The following CFAP54 variants were observed in gnomAD, a reference collection of about 807,000 sequenced individuals.
The protein encoded by CFAP54 is cilia and flagella associated protein 54, also known as cilia- and flagella-associated protein 54.
A neutral mutation model predicts 370.4 loss-of-function variants in CFAP54; 290 were observed. The ratio of observed to expected loss-of-function variants is 0.78; its 90% confidence interval spans 0.71 to 0.86. The LOEUF is 0.86. Ranked by LOEUF, CFAP54 falls within the 40% of genes least tolerant of loss-of-function variation. CFAP54 has a pLI of 0.00. For missense variants in CFAP54, 3,399 were observed against 3,528.7 expected (o/e 0.96, Z 0.93); for synonymous variants, 1,206 against 1,236.5 (o/e 0.98, Z 0.52).
intron 66 of CFAP54, 125 bp from the exon 67 acceptor site, chr12:96,860,694 C>T (rs1959857913): frequency 1.1e-6 from 1 of 949,984 alleles, no homozygotes; most frequent in Non-Finnish European, 1.5e-6. Context: ...TTGTGCCTTA[C>T]CTGAGACACA....
At chr12:96,714,269 A>G (rs1030771998) in intron 48 of CFAP54, among the ~76,000 whole-genome samples, 3 of 152,236 alleles carry the variant, frequency 2.0e-5, no homozygotes, top group Non-Finnish European at 2.9e-5. Context: ...AAGGAAGATC[A>G]GAAGTTCACT....
At chr12:96,686,318 A>G (rs1957329132) in intron 42 of CFAP54, among the ~76,000 whole-genome samples, 1 of 152,128 alleles carries the variant, frequency 6.6e-6, no homozygotes, top group Admixed American at 6.5e-5. Context: ...TCACTTAGTT[A>G]CTTACCTCTT....
At chr12:96,554,639 C>A in intron 16 of CFAP54, 37 bp from the exon 17 acceptor site, 2 of 1,493,266 alleles carry the variant, frequency 1.3e-6, no homozygotes, top group East Asian at 2.5e-5. Context: ...GTTTTGATAA[C>A]TATATTTCTT....
intron 50 of CFAP54, among the ~76,000 whole-genome samples, chr12:96,726,345 A>G (rs542078279): frequency 1.1e-4 from 16 of 152,218 alleles, no homozygotes; most frequent in African/African-American, 3.9e-4. Flanking sequence ...TTATTGCCAC[A>G]ATTTCAGATC....
chr12:96,521,533 TGTGTGTGTGTGTGTGC>T (rs1191715008), intron 6 of CFAP54, among the ~76,000 whole-genome samples: 47 of 127,510 alleles, frequency 3.7e-4, no homozygotes, highest in African/African-American at 1.3e-3. Context: ...TGTGTGTGTG[TGTGTGTGTGTGTGTGC>T]GCGTGCGCAC....
chr12:96,712,077 T>C (rs1957622228), intron 48 of CFAP54, among the ~76,000 whole-genome samples: 1 of 152,194 alleles, frequency 6.6e-6, no homozygotes. Context: ...CTTTTATGAT[T>C]TGATAGCTTT....
chr12:96,563,266 T>C (rs756986831), intron 17 of CFAP54, among the ~76,000 whole-genome samples: 4 of 152,314 alleles, frequency 2.6e-5, no homozygotes, highest in Non-Finnish European at 2.9e-5. Flanking sequence ...CCTTGCAATA[T>C]CTCTGGGTTT....
intron 66 of CFAP54, among the ~76,000 whole-genome samples, chr12:96,839,629 T>C (rs1000583603): frequency 1.3e-5 from 2 of 152,232 alleles, no homozygotes; most frequent in Non-Finnish European, 2.9e-5. Flanking sequence ...GGTCAAAGAT[T>C]CTGTGGGTTA....
intron 28 of CFAP54, among the ~76,000 whole-genome samples, chr12:96,624,163 G>C (rs747886322): frequency 6.0e-4 from 92 of 152,120 alleles, no homozygotes; most frequent in Admixed American, 1.4e-3. Flanking sequence ...TCTCAACCTC[G>C]ACACTATCAG....
chr12:96,547,435 C>T (rs1008727872), intron 14 of CFAP54, among the ~76,000 whole-genome samples: 2 of 152,110 alleles, frequency 1.3e-5, no homozygotes, highest in African/African-American at 4.8e-5. Flanking sequence ...ATCTACTTGC[C>T]TCGGCATCCC....
At chr12:96,859,665 A>G (rs572350776) in intron 66 of CFAP54, among the ~76,000 whole-genome samples, 1 of 152,286 alleles carries the variant, frequency 6.6e-6, no homozygotes, top group Non-Finnish European at 1.5e-5. Flanking sequence ...TTGGCCTCCC[A>G]AAGTGTTGGG....
chr12:96,771,227 T>C (rs1565972662), intron 60 of CFAP54, among the ~76,000 whole-genome samples: 1 of 152,064 alleles, frequency 6.6e-6, no homozygotes, highest in East Asian at 1.9e-4. Flanking sequence ...GCCCTGCAGG[T>C]AGGGAAAGTC....
chr12:96,500,663 T>G (rs1318634581), intron 1 of CFAP54, among the ~76,000 whole-genome samples, 171 bp from the exon 2 acceptor site: 1 of 152,204 alleles, frequency 6.6e-6, no homozygotes, highest in African/African-American at 2.4e-5. Context: ...GCTTGGTACA[T>G]AGGAAGCAAT....
rs1958260563 is a variant in CFAP54 at position 96,756,573 on chromosome 12, T to TATTC, written c.7946+11_7946+14dup. ...ATGATCAAAACTCAGGGTAAAAAGA[T>TATTC]ATTCCATTGTTGTAGCTGTGTGTGT... On this transcript the variant is annotated intron_variant, in intron 57 of 67. Transcript: ENST00000524981. 6.5e-7 allele frequency: 1 copy of TATTC among 1,537,856 alleles called. No homozygotes were observed. The highest frequency in any genetic ancestry group is 1.4e-5 in the African/African-American group (1 of 73,060).
At chr12:96,615,889 A>T (rs1027892085) in intron 26 of CFAP54, among the ~76,000 whole-genome samples, 10 of 152,254 alleles carry the variant, frequency 6.6e-5, no homozygotes, top group Non-Finnish European at 1.2e-4. Context: ...ATGTGGAGAA[A>T]TAGGAACACT....
chr12:96,710,062 G>A (rs1957593845), intron 48 of CFAP54, among the ~76,000 whole-genome samples: 2 of 152,146 alleles, frequency 1.3e-5, no homozygotes, highest in South Asian at 4.1e-4. Flanking sequence ...GCATTTTGTT[G>A]AAAATGATTG....
At chr12:96,753,367 G>A (rs528942924) in intron 55 of CFAP54, among the ~76,000 whole-genome samples, 16 of 152,164 alleles carry the variant, frequency 1.1e-4, no homozygotes, top group South Asian at 4.1e-4. Context: ...ATTAATATTT[G>A]CAAATTTTAT....
chr12:96,508,355 G>A (rs1228957877), intron 4 of CFAP54, among the ~76,000 whole-genome samples: 1 of 149,636 alleles, frequency 6.7e-6, no homozygotes, highest in African/African-American at 2.5e-5. Flanking sequence ...GCATGATCTC[G>A]GCTCACTGCA....
chr12:96,643,090 A>T (rs944424765), intron 32 of CFAP54, among the ~76,000 whole-genome samples: 2 of 152,184 alleles, frequency 1.3e-5, no homozygotes, highest in Non-Finnish European at 2.9e-5. Context: ...ACATGGGGAC[A>T]AGATTGATTT....
Sources: allele counts gnomAD v4.1 joint callset (sites outside exome capture counted in the v4.1 genomes callset), GRCh38; gene constraint gnomAD v4.1.1; transcripts MANE v1.5; gene names NCBI Gene and HGNC (gene_info 2026-07-23, HGNC 2026-07-21).